FSCN2: variants seen among roughly 807,000 people sequenced by gnomAD.
FSCN2 encodes the protein fascin-2.
A neutral mutation model predicts 37.8 loss-of-function variants in FSCN2; 46 were observed. The ratio of observed to expected loss-of-function variants is 1.22; its 90% CI spans 0.96 to 1.56. The LOEUF is 1.56. Among genes scored for constraint, FSCN2 ranks in the 40% most tolerant of loss-of-function variants. The pLI is 0.00. For missense variants in FSCN2, 844 were observed against 730.4 expected, an observed-to-expected ratio of 1.16 and a Z score of -1.79; for synonymous variants, 351 against 309.4, an observed-to-expected ratio of 1.13 and a Z score of -1.41.
chr17:81,531,372 G>GTGGTGATGA (rs2032573991), intron 1 of FSCN2, among the ~76,000 whole-genome samples: 1 of 66,742 alleles, frequency 1.5e-5, no homozygotes, highest in Non-Finnish European at 3.2e-5. Flanking sequence ...GATGATGGTG[G>GTGGTGATGA]TGGTGATGGT....
upstream of FSCN2, among the ~76,000 whole-genome samples, chr17:81,526,270 G>A (rs972003945): frequency 2.6e-5 from 4 of 152,218 alleles, no homozygotes; most frequent in Non-Finnish European, 4.4e-5. Flanking sequence ...GGGGTGGGGG[G>A]GACCATGGGC....
chr17:81,532,548 A>G (rs1026779939), intron 1 of FSCN2, among the ~76,000 whole-genome samples: 3 of 130,502 alleles, frequency 2.3e-5, no homozygotes, highest in Non-Finnish European at 3.2e-5. Flanking sequence ...GATGGTGGTG[A>G]TGGTGATGGT....
At chr17:81,530,732 T>C in intron 1 of FSCN2, 1 of 403,704 alleles carries the variant, frequency 2.5e-6, no homozygotes, top group South Asian at 1.8e-5. Flanking sequence ...ACCCTGTGCA[T>C]GGAGAGGGGA....
chr17:81,516,138 C>G, the FSCN2 span, among the ~76,000 whole-genome samples: 1 of 152,270 alleles, frequency 6.6e-6, no homozygotes. Flanking sequence ...GCCACCTCAC[C>G]CAGCCTGGAG....
chr17:81,520,037 C>T, the FSCN2 span, among the ~76,000 whole-genome samples: 1 of 152,220 alleles, frequency 6.6e-6, no homozygotes, highest in Non-Finnish European at 1.5e-5. Context: ...CTACATACAC[C>T]TGCTGGGGAC....
chr17:81,525,965 T>A (rs549333767), upstream of FSCN2, among the ~76,000 whole-genome samples: 20 of 152,258 alleles, frequency 1.3e-4, no homozygotes, highest in South Asian at 4.1e-3. Context: ...CTCCCCTGTT[T>A]AGCTCACACA....
intron 1 of FSCN2, among the ~76,000 whole-genome samples, chr17:81,531,201 ATGGTGGTGATGGTGG>A (rs1782184534): frequency 1.6e-5 from 2 of 124,244 alleles, no homozygotes; most frequent in African/African-American, 6.0e-5. Context: ...GATGGTGGTG[ATGGTGGTGATGGTGG>A]TGATGGTGAT....
upstream of FSCN2, chr17:81,527,370 G>A (rs898605286): frequency 6.6e-6 from 1 of 152,344 alleles, no homozygotes; most frequent in African/African-American, 2.4e-5. Context: ...CTGGCCCAGG[G>A]TGGCCAGCTC....
At chr17:81,524,919 A>ACACACCCC (rs10677990), upstream of FSCN2, among the ~76,000 whole-genome samples, 11 of 142,468 alleles carry the variant, frequency 7.7e-5, no homozygotes, top group African/African-American at 2.1e-4. Context: ...ACACACACAC[A>ACACACCCC]CCACACTCAC....
the FSCN2 span, chr17:81,518,920 G>A: frequency 6.6e-6 from 1 of 152,410 alleles, no homozygotes; most frequent in South Asian, 2.1e-4. Flanking sequence ...GAGAATGGAG[G>A]GTGCCGGGGG....
In FSCN2 at chr17:81,536,610, T is replaced by G. The variant is rs866896179; in HGVS notation, c.1106-12T>G. 4 of 1,607,328 alleles carry G rather than the reference T, an allele frequency of 2.5e-6. No homozygotes were observed. In the Middle Eastern group the frequency reaches 6.6e-4, roughly 265 times the overall value. ...GCGGGAGGGGCAGCGCAGCAGACGCTCTCCCCGCCAGGCAAGGACGAAGAG... is the reference window on the plus strand; with the variant it reads ...GCGGGAGGGGCAGCGCAGCAGACGCGCTCCCCGCCAGGCAAGGACGAAGAG... On this transcript the variant is annotated splice_polypyrimidine_tract_variant and intron_variant, in intron 3 of 4. Transcript: ENST00000417245.
Position 81,536,859 on chromosome 17 carries a change from C to A in FSCN2, c.1274-16C>A, listed in dbSNP as rs1009855508. On this transcript the variant is annotated splice_polypyrimidine_tract_variant and intron_variant, in intron 4 of 4. Transcript: ENST00000417245. ...GGGCAGGTGGGCACCCCCGCCGACG[C>A]CGTCCCGTCCCCCAGGCCGCGACGG... 1.9e-6 allele frequency: 3 copies of A among 1,557,034 alleles called. No individual in the cohort carries two copies. The highest frequency in any genetic ancestry group is 2.4e-5 in the South Asian group (2 of 84,992).
In FSCN2 at chr17:81,535,524, TCCATCA is replaced by T. The variant is rs1318983573; in HGVS notation, c.983+323_983+328del. 7.6e-3 allele frequency among the ~76,000 whole-genome samples: 373 copies of T among 48,986 alleles called. 1 individual carries two copies. The highest frequency in any genetic ancestry group is 1.0e-2 in the Non-Finnish European group (292 of 29,246). The allele number at this position is 48,986 out of a possible 152,430, so 32.1% of individuals were successfully genotyped here. A position where few individuals can be genotyped will look rare whatever the true frequency, so the allele number is the denominator to read the frequency against. ...CACCACCATCCCCATCTCCACCATC[TCCATCA>T]CCATCATCACCATCCCCATCTCCAT... On this transcript the variant is annotated intron_variant, in intron 2 of 4. Transcript: ENST00000417245.
rs797029279 is a variant in FSCN2 at position 81,531,336 on chromosome 17, A to G, written c.826+1979A>G. Reference sequence around the variant, plus strand: ...GGTGGTGATGATGGTGGTGGTGGTGATGGTGGTGGTGATGATGGTGATGGT... The same window carrying G: ...GGTGGTGATGATGGTGGTGGTGGTGGTGGTGGTGGTGATGATGGTGATGGT... On this transcript the variant is annotated intron_variant, in intron 1 of 4. Transcript: ENST00000417245. Among the ~76,000 whole-genome samples, 238 of 45,238 alleles carry G rather than the reference A, an allele frequency of 5.3e-3. 1 individual carries two copies. Among genetic ancestry groups the G allele is most frequent in the African/African-American group, 0.013 (145 of 10,908 alleles). The allele number at this position is 45,238 out of a possible 152,430, so 29.7% of individuals were successfully genotyped here.
chr17:81,532,590 GTGATGGTGA>G (rs1433261767), intron 1 of FSCN2, among the ~76,000 whole-genome samples: 21 of 143,920 alleles, frequency 1.5e-4, no homozygotes, highest in South Asian at 1.3e-3. Context: ...GATAGTGATG[GTGATGGTGA>G]TGATGGTGAT....
rs398123553 is a variant in FSCN2, at chr17:81,537,026, C to T, written c.1425C>T (p.Gly475=). Residue 475 remains glycine, a synonymous_variant, in exon 5 of 5, where the codon GGC becomes GGT. Transcript: ENST00000417245. The stretch of plus-strand genomic sequence containing the variant: ...AGTACCTGCGCGGCGGCGCCTCGGG[C>T]CTGCTGCGGGCCGATGCCGACGCCC... The part of the protein sequence containing the change: ...SGKYLRGGAS[G]LLRADADAPA... 1 of 1,498,134 alleles carries T rather than the reference C, an allele frequency of 6.7e-7. No individual in the cohort carries two copies. The highest frequency in any genetic ancestry group is 8.8e-7 in the Non-Finnish European group (1 of 1,130,544). The allele number at this position is 1,498,134 out of a possible 1,614,324, so 92.8% of individuals were successfully genotyped here. A position where few individuals can be genotyped will look rare whatever the true frequency, so the allele number is the denominator to read the frequency against.
chr17:81,529,053 C>A lies in FSCN2; in HGVS notation c.522C>A (p.Leu174=), dbSNP rs782642746. 8.4e-5 allele frequency: 133 copies of A among 1,591,838 alleles called. No individual in the cohort carries two copies. The highest frequency in any genetic ancestry group is 1.1e-4 in the Non-Finnish European group (129 of 1,172,322). Reference sequence around the variant, plus strand: ...ACAAGCCCTGGGGCGTGGACGCCCTCCTCACCCTCATCTTCCGGAGCCGAC... The same window carrying A: ...ACAAGCCCTGGGGCGTGGACGCCCTACTCACCCTCATCTTCCGGAGCCGAC... The part of the protein sequence containing the change: ...DGDKPWGVDA[L]LTLIFRSRRY... The change falls in exon 1 of 5, where the codon CTC becomes CTA. Residue 174 remains leucine (L), a synonymous_variant. Coordinates refer to ENST00000417245, the MANE Select transcript of FSCN2 (RefSeq NM_012418.4).
chr17:81,518,545 A>G, the FSCN2 span, among the ~76,000 whole-genome samples: 10,032 of 152,214 alleles, frequency 0.066, 663 homozygotes, highest in African/African-American at 0.17. Flanking sequence ...GGAAGGGGCT[A>G]TAACTCTAGG....
At chr17:81,523,999 T>C (rs2032277459), upstream of FSCN2, among the ~76,000 whole-genome samples, 1 of 152,058 alleles carries the variant, frequency 6.6e-6, no homozygotes, top group South Asian at 2.1e-4. Context: ...ATCAGTGGTC[T>C]AGGCATGGGG....
Sources: gnomAD v4.1 joint callset for allele counts (sites outside exome capture counted in the v4.1 genomes callset) on GRCh38, gnomAD v4.1.1 for gene constraint, MANE v1.5 for transcripts, NCBI Gene and HGNC (gene_info 2026-07-23, HGNC 2026-07-21) for gene names.